OOEP: variants seen among roughly 807,000 people sequenced by gnomAD.
OOEP encodes the protein oocyte expressed protein, also known as oocyte-expressed protein homolog.
A neutral mutation model predicts 13.7 loss-of-function variants in OOEP; 16 were observed. That is an observed-to-expected ratio of 1.16 (90% CI 0.79 to 1.77). OOEP has a LOEUF of 1.77. OOEP is among the 40% of genes most tolerant of loss of function. The pLI is 0.00. For missense variants in OOEP, 195 were observed against 193.1 expected, an observed-to-expected ratio of 1.01 and a Z score of -0.06; for synonymous variants, 89 against 77.1, an observed-to-expected ratio of 1.15 and a Z score of -0.81.
intron 2 of OOEP, among the ~76,000 whole-genome samples, chr6:73,375,170 A>C (rs915918115): frequency 3.9e-5 from 6 of 152,186 alleles, no homozygotes; most frequent in Non-Finnish European, 8.8e-5. Flanking sequence ...GACATACTTG[A>C]GTAGCTTTGG....
intron 2 of OOEP, among the ~76,000 whole-genome samples, chr6:73,382,947 C>T (rs1303000738): frequency 2.0e-5 from 3 of 151,194 alleles, no homozygotes; most frequent in Admixed American, 2.0e-4. Flanking sequence ...CTCCACCTCC[C>T]AGGCTCAGCC....
chr6:73,387,411 A>G (rs2984127), intron 2 of OOEP, among the ~76,000 whole-genome samples: 105,369 of 151,504 alleles, frequency 0.7, 36,948 homozygotes, highest in East Asian at 0.82. Flanking sequence ...CTACTTGGGA[A>G]GCCAAGGCAG....
exon 1 of OOEP, chr6:73,394,905 A>C: frequency 6.2e-7 from 1 of 1,614,024 alleles, no homozygotes; most frequent in Non-Finnish European, 8.5e-7. Flanking sequence ...TTCTTGGAAC[A>C]ATGTCCCACC....
At chr6:73,394,868 G>A (rs1456060200) in exon 1 of OOEP, 1 of 1,607,048 alleles carries the variant, frequency 6.2e-7, no homozygotes, top group Non-Finnish European at 8.5e-7. Context: ...GTGCAGAGCT[G>A]GACGGCAACG....
At chr6:73,377,764 C>T (rs1039356288) in intron 2 of OOEP, among the ~76,000 whole-genome samples, 1 of 152,170 alleles carries the variant, frequency 6.6e-6, no homozygotes, top group African/African-American at 2.4e-5. Flanking sequence ...ACCGTCTGGA[C>T]TCAAGCAATT....
chr6:73,381,408 G>C (rs1321544712), intron 2 of OOEP, among the ~76,000 whole-genome samples: 1 of 152,116 alleles, frequency 6.6e-6, no homozygotes, highest in Non-Finnish European at 1.5e-5. Context: ...GATACCTAGA[G>C]TAGCCCGGAG....
intron 2 of OOEP, among the ~76,000 whole-genome samples, chr6:73,389,074 C>A (rs1204228745): frequency 6.6e-6 from 1 of 150,982 alleles, no homozygotes; most frequent in Non-Finnish European, 1.5e-5. Context: ...GCGTCGCTAT[C>A]CAGGGGAGCT....
chr6:73,372,571 G>C (rs1209981480), upstream of OOEP, among the ~76,000 whole-genome samples: 3 of 152,134 alleles, frequency 2.0e-5, no homozygotes, highest in Non-Finnish European at 4.4e-5. Flanking sequence ...CTTTGCACCT[G>C]AGCCTGCCAA....
upstream of OOEP, among the ~76,000 whole-genome samples, chr6:73,372,357 C>T (rs1055206029): frequency 1.4e-4 from 21 of 152,192 alleles, no homozygotes; most frequent in Admixed American, 8.5e-4. Context: ...TGCTGGACAC[C>T]GTGAAGCAGT....
At chr6:73,369,098 G>T in intron 2 of OOEP, 108 bp downstream of exon 2, 1 of 1,261,204 alleles carries the variant, frequency 7.9e-7, no homozygotes, top group Non-Finnish European at 1.1e-6. Flanking sequence ...CCTGGGGTCT[G>T]GAAACCAAGA....
Position 73,368,729 on chromosome 6 carries a change from A to G in OOEP, c.*55T>C. ...AGAATGCTATACTTGCTTTTCTTCA[A>G]CTTTAGCAGCAAAAGTTAGAAAGTT... On this transcript the variant is annotated 3_prime_UTR_variant, in exon 3 of 3. Coordinates refer to ENST00000370359, the MANE Select transcript of OOEP (RefSeq NM_001080507.3). 5 of 1,228,478 alleles carry G rather than the reference A, an allele frequency of 4.1e-6. No homozygotes were observed. The highest frequency in any genetic ancestry group is 6.0e-6 in the Non-Finnish European group (5 of 830,620). 76.1% of individuals were successfully genotyped at this position (1,228,478 alleles called of 1,614,324 possible). A position where few individuals can be genotyped will look rare whatever the true frequency, so the allele number is the denominator to read the frequency against.
chr6:73,379,078 G>T (rs1769168535), intron 2 of OOEP, among the ~76,000 whole-genome samples: 2 of 152,050 alleles, frequency 1.3e-5, no homozygotes, highest in South Asian at 4.2e-4. Flanking sequence ...AGGCTGGAGT[G>T]CAGTGGCATG....
chr6:73,391,967 T>C (rs957229275), intron 2 of OOEP, among the ~76,000 whole-genome samples: 3 of 152,260 alleles, frequency 2.0e-5, no homozygotes, highest in East Asian at 1.9e-4. Context: ...TTGATGGGTA[T>C]GTCCTTCCTG....
At chr6:73,387,519 A>G (rs1225884894) in intron 2 of OOEP, 1 of 152,186 alleles carries the variant, frequency 6.6e-6, no homozygotes, top group African/African-American at 2.4e-5. Flanking sequence ...CATCTCAAAA[A>G]CAAAATAAAA....
At chr6:73,380,262 T>G (rs1769187522) in intron 2 of OOEP, among the ~76,000 whole-genome samples, 1 of 151,426 alleles carries the variant, frequency 6.6e-6, no homozygotes, top group South Asian at 2.1e-4. Flanking sequence ...TTTTTTTTTT[T>G]TTTGAGACAG....
upstream of OOEP, among the ~76,000 whole-genome samples, chr6:73,371,616 G>A (rs1001967508): frequency 1.3e-5 from 2 of 152,052 alleles, no homozygotes; most frequent in African/African-American, 2.4e-5. Flanking sequence ...CGGACATGGT[G>A]GTGCATGCCT....
chr6:73,372,165 G>A (rs1769067990), upstream of OOEP, among the ~76,000 whole-genome samples: 1 of 152,154 alleles, frequency 6.6e-6, no homozygotes, highest in Non-Finnish European at 1.5e-5. Context: ...CATTACTGTA[G>A]ACAAAGAATA....
chr6:73,392,696 A>G (rs1433589753), intron 2 of OOEP, among the ~76,000 whole-genome samples: 7 of 127,828 alleles, frequency 5.5e-5, no homozygotes, highest in Non-Finnish European at 7.7e-5. Flanking sequence ...CAGTGGCACA[A>G]TCTTGGCTCA....
chr6:73,378,746 C>T (rs1769164348), intron 2 of OOEP, among the ~76,000 whole-genome samples: 1 of 151,714 alleles, frequency 6.6e-6, no homozygotes, highest in African/African-American at 2.4e-5. Flanking sequence ...TGCCTGTGGT[C>T]CCAGCTACTT....
Sources: allele counts gnomAD v4.1 joint callset (sites outside exome capture counted in the v4.1 genomes callset), GRCh38; gene constraint gnomAD v4.1.1; transcripts MANE v1.5; gene names NCBI Gene and HGNC (gene_info 2026-07-23, HGNC 2026-07-21).